Variants in TSPAN18 observed in about 807,000 individuals in gnomAD.
TSPAN18 encodes tetraspanin-18.
TSPAN18 carries 14 observed loss-of-function variants against 27.3 expected under a neutral mutation model. That is an observed-to-expected ratio of 0.51 (90% CI 0.34 to 0.80). The LOEUF (loss-of-function observed/expected upper bound fraction) is 0.80. Ranked by LOEUF, TSPAN18 falls within the 30% of genes least tolerant of loss-of-function variation. The probability of loss-of-function intolerance (pLI) is 0.01; values close to 1 mark genes in which losing one functional copy is unlikely to be tolerated. For synonymous variants in TSPAN18, 143 were observed against 136.5 expected, an observed-to-expected ratio of 1.05 and a Z score of -0.33; for missense variants, 268 against 323.9, an observed-to-expected ratio of 0.83 and a Z score of 1.32.
At chr11:44,781,693 C>T (rs1161190759) in intron 2 of TSPAN18, among the ~76,000 whole-genome samples, 2 of 152,146 alleles carry the variant, frequency 1.3e-5, no homozygotes, top group Non-Finnish European at 2.9e-5. Context: ...TTTCCTTTTC[C>T]CCCTAAAGAG....
At chr11:44,905,273 A>G (rs1859413009) in intron 3 of TSPAN18, among the ~76,000 whole-genome samples, 1 of 152,082 alleles carries the variant, frequency 6.6e-6, no homozygotes, top group African/African-American at 2.4e-5. Context: ...ATCAGACACC[A>G]TCTCCCCTAC....
rs1281570944 is a variant in TSPAN18 at position 44,919,983 on chromosome 11, T to A, written c.599T>A (p.Leu200Gln). The A allele has an allele frequency of 9.9e-6, 16 of 1,613,406 alleles. No homozygotes were observed. Among genetic ancestry groups the A allele is most frequent in the Non-Finnish European group, 1.4e-5 (16 of 1,179,726 alleles). ...GAGGAGTGCCTCCTGGGAAGGAGCC[T>A]ATTCCTAAACAAGCAGGTACTGGCC... Reference protein sequence around the residue: ...SREECLLGRSLFLNKQGCYTV... With the variant: ...SREECLLGRSQFLNKQGCYTV... Residue 200 changes from leucine (L) to glutamine (Q), a missense_variant, in exon 8 of 10, where the codon CTA (leucine) becomes CAA (glutamine). Leu to Gln is a moderately radical substitution (Grantham distance 113). Coordinates refer to ENST00000520358, the MANE Select transcript of TSPAN18 (RefSeq NM_130783.5).
intron 2 of TSPAN18, among the ~76,000 whole-genome samples, chr11:44,825,546 A>G (rs1304336894): frequency 4.6e-5 from 7 of 152,118 alleles, no homozygotes; most frequent in Non-Finnish European, 8.8e-5. Flanking sequence ...CTCTCCTAGA[A>G]CAAGGCTGGT....
At chr11:44,745,226 C>T (rs1460414490) in intron 1 of TSPAN18, among the ~76,000 whole-genome samples, 1 of 152,194 alleles carries the variant, frequency 6.6e-6, no homozygotes, top group African/African-American at 2.4e-5. Context: ...TAGTGCATTG[C>T]TGAGCATGTG....
At chr11:44,754,377 G>T (rs1327240305) in intron 1 of TSPAN18, among the ~76,000 whole-genome samples, 2 of 152,186 alleles carry the variant, frequency 1.3e-5, no homozygotes, top group African/African-American at 4.8e-5. Flanking sequence ...TCTCTCCGAG[G>T]CAGACTATCC....
chr11:44,788,254 C>T (rs1171695554), intron 2 of TSPAN18, among the ~76,000 whole-genome samples: 1 of 152,168 alleles, frequency 6.6e-6, no homozygotes, highest in Non-Finnish European at 1.5e-5. Flanking sequence ...TTGGGCTGCA[C>T]TGCTCAATGG....
intron 2 of TSPAN18, among the ~76,000 whole-genome samples, chr11:44,832,365 C>G (rs890365300): frequency 6.6e-6 from 1 of 152,200 alleles, no homozygotes; most frequent in African/African-American, 2.4e-5. Context: ...TGTTGGTGCT[C>G]CACTTGATGG....
In TSPAN18 at chr11:44,887,122, C is replaced by T. The variant is rs568459135; in HGVS notation, c.-10-19285C>T. On this transcript the variant is annotated intron_variant, in intron 3 of 9. Transcript: ENST00000520358. Reference sequence around the variant, plus strand: ...TTTTATTATCTGACTTTCTAAATTTCGGCTAATAAGAGCTAGATGAAGAGC... The same window carrying T: ...TTTTATTATCTGACTTTCTAAATTTTGGCTAATAAGAGCTAGATGAAGAGC... Among the ~76,000 whole-genome samples the T allele has an allele frequency of 2.6e-5, 4 of 152,290 alleles. No homozygotes were observed. In the South Asian group the frequency reaches 6.2e-4, roughly 24 times the overall value.
At chr11:44,898,627 G>C (rs763209001) in intron 3 of TSPAN18, among the ~76,000 whole-genome samples, 1 of 152,226 alleles carries the variant, frequency 6.6e-6, no homozygotes, top group African/African-American at 2.4e-5. Flanking sequence ...CTTGCTGCCG[G>C]GGGACTCTTT....
At chr11:44,826,948 A>G (rs1232373329) in intron 2 of TSPAN18, among the ~76,000 whole-genome samples, 3 of 152,010 alleles carry the variant, frequency 2.0e-5, no homozygotes, top group Non-Finnish European at 2.9e-5. Context: ...GTCTTATGTG[A>G]TTGGGGGCAG....
intron 2 of TSPAN18, among the ~76,000 whole-genome samples, chr11:44,826,970 T>A (rs983171733): frequency 2.0e-5 from 3 of 152,232 alleles, no homozygotes; most frequent in African/African-American, 7.2e-5. Flanking sequence ...AGGGACTCTG[T>A]CTTCTACATG....
intron 2 of TSPAN18, among the ~76,000 whole-genome samples, chr11:44,843,271 G>C (rs1000171325): frequency 6.6e-6 from 1 of 152,236 alleles, no homozygotes; most frequent in East Asian, 1.9e-4. Flanking sequence ...CTGGGCATCC[G>C]GGGGAGACAT....
At chr11:44,778,692 G>C (rs1017415235) in intron 2 of TSPAN18, among the ~76,000 whole-genome samples, 2 of 152,156 alleles carry the variant, frequency 1.3e-5, no homozygotes, top group African/African-American at 4.8e-5. Flanking sequence ...TCCATTAAGC[G>C]TGTGTGCACT....
chr11:44,835,680 GT>G (rs1219813593), intron 2 of TSPAN18, among the ~76,000 whole-genome samples: 4 of 152,194 alleles, frequency 2.6e-5, no homozygotes, highest in Admixed American at 2.6e-4. Flanking sequence ...GGCATACCTG[GT>G]TTTATTGCAC....
intron 1 of TSPAN18, among the ~76,000 whole-genome samples, chr11:44,751,042 A>G (rs1196391596): frequency 1.3e-5 from 2 of 152,192 alleles, no homozygotes; most frequent in Non-Finnish European, 2.9e-5. Flanking sequence ...GTGAGCTGTT[A>G]ATTAGAGGAT....
chr11:44,858,253 G>GGGCC (rs1311461033), intron 2 of TSPAN18, among the ~76,000 whole-genome samples: 1 of 152,156 alleles, frequency 6.6e-6, no homozygotes, highest in East Asian at 1.9e-4. Flanking sequence ...CCACGCCTAT[G>GGGCC]CTCACCCTGG....
At chr11:44,784,551 C>G (rs139278702) in intron 2 of TSPAN18, among the ~76,000 whole-genome samples, 1 of 152,342 alleles carries the variant, frequency 6.6e-6, no homozygotes, top group East Asian at 1.9e-4. Flanking sequence ...GCTATCACTT[C>G]CCCTATTTAT....
intron 7 of TSPAN18, 33 bp from the exon 8 acceptor site, chr11:44,919,784 C>T: frequency 6.2e-7 from 1 of 1,610,322 alleles, no homozygotes; most frequent in Non-Finnish European, 8.5e-7. Context: ...CCTCCTCCTG[C>T]CCACCAGAAC....
chr11:44,807,730 G>A (rs1856631927), intron 2 of TSPAN18, among the ~76,000 whole-genome samples: 3 of 152,096 alleles, frequency 2.0e-5, no homozygotes, highest in African/African-American at 4.8e-5. Flanking sequence ...CTGCTCCGCT[G>A]CCTGCTGGCC....
Sources: gnomAD v4.1 joint callset for allele counts (sites outside exome capture counted in the v4.1 genomes callset) on GRCh38, gnomAD v4.1.1 for gene constraint, MANE v1.5 for transcripts, NCBI Gene and HGNC (gene_info 2026-07-23, HGNC 2026-07-21) for gene names.